Variants in ENKUR observed in about 807,000 individuals in gnomAD.
ENKUR encodes the protein enkurin, TRPC channel interacting protein.
ENKUR carries 19 observed loss-of-function variants against 27.6 expected under a neutral mutation model. That is an observed-to-expected ratio of 0.69 (90% CI 0.48 to 1.01). The LOEUF is 1.01. Ranked by LOEUF, ENKUR falls within the 50% of genes least tolerant of loss-of-function variation. The pLI, the probability that ENKUR is intolerant of heterozygous loss-of-function variation, is 0.00. For missense variants in ENKUR, 312 were observed against 310.5 expected (o/e 1.00, Z -0.04); for synonymous variants, 117 against 96.9 (o/e 1.21, Z -1.22).
intron 2 of ENKUR, among the ~76,000 whole-genome samples, chr10:25,050,277 G>T (rs747426475): frequency 2.1e-4 from 32 of 152,160 alleles, no homozygotes; most frequent in Admixed American, 9.2e-4. Flanking sequence ...CAAGTAGTAA[G>T]AGAAACCATT....
At chr10:25,044,790 T>A (rs539328309) in intron 2 of ENKUR, among the ~76,000 whole-genome samples, 1 of 152,348 alleles carries the variant, frequency 6.6e-6, no homozygotes, top group Admixed American at 6.5e-5. Flanking sequence ...GTTATTGTTT[T>A]CCCTTGAGTA....
intron 3 of ENKUR, among the ~76,000 whole-genome samples, chr10:24,993,323 C>A (rs926659959): frequency 2.6e-5 from 4 of 152,134 alleles, no homozygotes; most frequent in African/African-American, 7.2e-5. Context: ...TTAGGTGTCA[C>A]ATTTTGTGTC....
chr10:25,024,958 A>G (rs144526466), intron 2 of ENKUR: 1 of 1,614,158 alleles, frequency 6.2e-7, no homozygotes, highest in African/African-American at 1.3e-5. Context: ...TTTACACTTG[A>G]TGGCTAATAA....
intron 1 of ENKUR, among the ~76,000 whole-genome samples, chr10:25,002,490 G>A (rs1850211049): frequency 6.6e-6 from 1 of 152,106 alleles, no homozygotes; most frequent in Non-Finnish European, 1.5e-5. Context: ...AGAGTATGCT[G>A]GGGCAGTCGT....
chr10:25,049,823 A>G (rs1447311477), intron 2 of ENKUR, among the ~76,000 whole-genome samples: 6 of 150,060 alleles, frequency 4.0e-5, no homozygotes, highest in Non-Finnish European at 8.9e-5. Context: ...TTAAAATTTA[A>G]AAAAAAAAAG....
chr10:25,023,878 G>A, intron 2 of ENKUR: 1 of 1,614,140 alleles, frequency 6.2e-7, no homozygotes. Flanking sequence ...AGTGCTGAAT[G>A]CAATTAAAAG....
At chr10:25,024,084 C>G in intron 2 of ENKUR, 1 of 1,614,144 alleles carries the variant, frequency 6.2e-7, no homozygotes, top group East Asian at 2.2e-5. Flanking sequence ...TAGGAGCAAC[C>G]TACGTAGAAA....
intron 4 of ENKUR, among the ~76,000 whole-genome samples, chr10:24,986,849 T>A (rs961002171): frequency 6.6e-6 from 1 of 152,232 alleles, no homozygotes; most frequent in African/African-American, 2.4e-5. Flanking sequence ...ATACTTCATG[T>A]GTTGCAGCAA....
intron 5 of ENKUR, 111 bp downstream of exon 5, chr10:24,984,625 T>C (rs1249173589): frequency 2.7e-6 from 3 of 1,113,040 alleles, no homozygotes; most frequent in South Asian, 3.4e-5. Context: ...ATTAAGACTA[T>C]TTTTATTCTC....
intron 2 of ENKUR, among the ~76,000 whole-genome samples, chr10:25,028,019 A>G (rs1850889205): frequency 6.6e-6 from 1 of 152,170 alleles, no homozygotes; most frequent in African/African-American, 2.4e-5. Context: ...AAGATTTAAG[A>G]GGAAAGGATT....
rs1849729147 is a variant in ENKUR, at chr10:24,984,263, T to G, written c.*107A>C. 8.0e-7 allele frequency: 1 copy of G among 1,248,252 alleles called. No homozygotes were observed. 77.3% of individuals were successfully genotyped at this position (1,248,252 alleles called of 1,614,324 possible). Reference sequence around the variant, plus strand: ...CAGGAAAATACATCTTTTGCATTTGTGGAGCTCAGAAACAATGTGTTGGAG... The same window carrying G: ...CAGGAAAATACATCTTTTGCATTTGGGGAGCTCAGAAACAATGTGTTGGAG... On this transcript the variant is annotated 3_prime_UTR_variant, in exon 6 of 6. Coordinates refer to ENST00000331161, the MANE Select transcript of ENKUR (RefSeq NM_145010.4).
At chr10:25,025,323 A>G (rs976813349) in intron 2 of ENKUR, 9 of 1,614,096 alleles carry the variant, frequency 5.6e-6, no homozygotes, top group Non-Finnish European at 6.8e-6. Context: ...CATACAATGC[A>G]TTACCTCCAC....
intron 3 of ENKUR, among the ~76,000 whole-genome samples, chr10:24,993,816 A>T (rs114613778): frequency 7.5e-4 from 115 of 152,332 alleles, no homozygotes; most frequent in African/African-American, 2.7e-3. Flanking sequence ...AAATGCATTC[A>T]AGTGGACAGC....
chr10:25,020,975 A>G (rs1177753946), upstream of ENKUR, among the ~76,000 whole-genome samples: 1 of 152,180 alleles, frequency 6.6e-6, no homozygotes, highest in Non-Finnish European at 1.5e-5. Flanking sequence ...AAATAAATTG[A>G]TGTTATGGTT....
chr10:25,061,962 G>A (rs1208721121), intron 1 of ENKUR, among the ~76,000 whole-genome samples: 1 of 152,186 alleles, frequency 6.6e-6, no homozygotes, highest in East Asian at 1.9e-4. Flanking sequence ...CTGCAAAAGT[G>A]TGCAACTGGC....
chr10:25,003,169 A>T lies in ENKUR; in HGVS notation c.78-3623T>A, dbSNP rs186539167. ...AATTTCAGTGTTTCTTTAATTAATT[A>T]ATTAATTAATTAATTTATTTATTTA... On this transcript the variant is annotated intron_variant, in intron 1 of 5. Transcript: ENST00000331161. Among the ~76,000 whole-genome samples, 1,139 of 150,120 alleles carry T rather than the reference A, an allele frequency of 7.6e-3. 10 individuals carry two copies. The highest frequency in any genetic ancestry group is 0.026 in the East Asian group (135 of 5,110).
At chr10:25,025,495 G>A (rs1244618106) in intron 2 of ENKUR, 1 of 1,541,178 alleles carries the variant, frequency 6.5e-7, no homozygotes, top group Admixed American at 2.0e-5. Flanking sequence ...CTATAAGCAT[G>A]CAATAATAAA....
intron 2 of ENKUR, chr10:25,023,564 A>G: frequency 6.2e-7 from 1 of 1,614,156 alleles, no homozygotes; most frequent in Non-Finnish European, 8.5e-7. Flanking sequence ...TTTTTAGAAG[A>G]GGAAGGAAAA....
intron 1 of ENKUR, among the ~76,000 whole-genome samples, chr10:25,011,485 G>T (rs1270186466): frequency 6.6e-6 from 1 of 152,120 alleles, no homozygotes; most frequent in Non-Finnish European, 1.5e-5. Context: ...AATAGGGAAA[G>T]GATTCCCTAT....
Sources: gnomAD v4.1 joint callset for allele counts (sites outside exome capture counted in the v4.1 genomes callset) on GRCh38, gnomAD v4.1.1 for gene constraint, MANE v1.5 for transcripts, NCBI Gene and HGNC (gene_info 2026-07-23, HGNC 2026-07-21) for gene names.